SCARA5: variants seen among roughly 807,000 people sequenced by gnomAD.
SCARA5 encodes scavenger receptor class A member 5, also known as scavenger receptor class A, member 5 (putative).
SCARA5 carries 45 observed loss-of-function variants against 46.3 expected under a neutral mutation model. The observed-to-expected ratio is 0.97, with a 90% CI of 0.76 to 1.24. The LOEUF is 1.24. Among genes scored for constraint, SCARA5 ranks in the 50% most tolerant of loss-of-function variants. SCARA5 has a pLI of 0.00. For missense variants in SCARA5, 680 were observed against 689.0 expected, an observed-to-expected ratio of 0.99 and a Z score of 0.15; for synonymous variants, 333 against 306.5, an observed-to-expected ratio of 1.09 and a Z score of -0.90.
intron 3 of SCARA5, among the ~76,000 whole-genome samples, chr8:27,939,466 T>C (rs1011466023): frequency 1.3e-5 from 2 of 152,180 alleles, no homozygotes; most frequent in Non-Finnish European, 2.9e-5. Flanking sequence ...ACTCTTGTCC[T>C]TGCTCTTCCA....
chr8:27,974,352 A>G (rs574903197), intron 2 of SCARA5, among the ~76,000 whole-genome samples: 3 of 152,274 alleles, frequency 2.0e-5, no homozygotes, highest in African/African-American at 7.2e-5. Context: ...AGCATTTTGG[A>G]GTTATCCAAA....
At chr8:27,937,963 G>A (rs995229331) in intron 3 of SCARA5, among the ~76,000 whole-genome samples, 2 of 152,154 alleles carry the variant, frequency 1.3e-5, no homozygotes, top group African/African-American at 2.4e-5. Context: ...GGTGGGGATA[G>A]GGCTTCCACG....
intron 3 of SCARA5, among the ~76,000 whole-genome samples, chr8:27,938,875 T>C (rs986655740): frequency 2.6e-5 from 4 of 152,226 alleles, no homozygotes; most frequent in African/African-American, 9.6e-5. Flanking sequence ...TGACCATTTA[T>C]ATATATATAT....
At chr8:27,968,288 C>T (rs1309167815) in intron 2 of SCARA5, among the ~76,000 whole-genome samples, 1 of 152,226 alleles carries the variant, frequency 6.6e-6, no homozygotes, top group African/African-American at 2.4e-5. Flanking sequence ...AGAGCTATTA[C>T]ATAATATTTC....
intron 3 of SCARA5, among the ~76,000 whole-genome samples, chr8:27,922,591 A>T (rs997208036): frequency 6.6e-6 from 1 of 152,184 alleles, no homozygotes; most frequent in African/African-American, 2.4e-5. Context: ...TGTAACTATC[A>T]TAGGTTAATT....
At position 27,871,913 on chromosome 8, in the gene SCARA5, G is replaced by A. The variant is rs1309755002; in HGVS notation, c.*21C>T. ...GGAAGGGTGCTCTGTGCAGGACCCCGAACTTGGGCTCTGCCCACTTTCAGT... is the reference window on the plus strand; with the variant it reads ...GGAAGGGTGCTCTGTGCAGGACCCCAAACTTGGGCTCTGCCCACTTTCAGT... On this transcript the variant is annotated 3_prime_UTR_variant, in exon 9 of 9. Transcript: ENST00000354914. The A allele has an allele frequency of 3.1e-6, 5 of 1,613,678 alleles. No homozygotes were observed. The highest frequency in any genetic ancestry group is 1.3e-5 in the African/African-American group (1 of 75,046).
Position 27,871,954 on chromosome 8 carries a change from C to A in SCARA5, c.1468G>T (p.Val490Leu). 6.2e-7 allele frequency: 1 copy of A among 1,614,222 alleles called. No homozygotes were observed. Among genetic ancestry groups the A allele is most frequent in the East Asian group, 2.2e-5 (1 of 44,892 alleles). ...CACTTTCAGTGTCTGTTGCATGTCA[C>A]GCTGGCATCTTCGGCATGTCCACAG... ...TNCGHAEDAS[V>L]TCNRH The change falls in exon 9 of 9, where the codon GTG becomes TTG. Residue 490 changes from valine to leucine, a missense_variant. Transcript: ENST00000354914.
At chr8:27,939,230 C>T (rs968140296) in intron 3 of SCARA5, among the ~76,000 whole-genome samples, 4 of 152,198 alleles carry the variant, frequency 2.6e-5, no homozygotes, top group African/African-American at 9.7e-5. Context: ...CTCCACCACC[C>T]CAAACACCAT....
At chr8:27,986,269 T>C (rs1808703752) in intron 2 of SCARA5, among the ~76,000 whole-genome samples, 1 of 152,194 alleles carries the variant, frequency 6.6e-6, no homozygotes, top group South Asian at 2.1e-4. Flanking sequence ...TTCCCACATC[T>C]TCTCTTAGAC....
intron 1 of SCARA5, among the ~76,000 whole-genome samples, chr8:27,988,834 TA>T: frequency 6.6e-6 from 1 of 152,248 alleles, no homozygotes; most frequent in East Asian, 1.9e-4. Context: ...CTTTAGAAGA[TA>T]AAAGCCCCAT....
chr8:27,919,523 T>C (rs187155833), intron 4 of SCARA5, among the ~76,000 whole-genome samples: 2 of 152,186 alleles, frequency 1.3e-5, no homozygotes, highest in Admixed American at 1.3e-4. Context: ...CCTTCCAGCC[T>C]GGCAAAAATG....
At chr8:27,889,822 C>G (rs145071592) in intron 7 of SCARA5, among the ~76,000 whole-genome samples, 1 of 152,170 alleles carries the variant, frequency 6.6e-6, no homozygotes, top group African/African-American at 2.4e-5. Flanking sequence ...AACGATTGCA[C>G]GCAGGGGAAG....
At chr8:27,915,488 G>A (rs1563523787) in intron 4 of SCARA5, among the ~76,000 whole-genome samples, 1 of 152,168 alleles carries the variant, frequency 6.6e-6, no homozygotes, top group Non-Finnish European at 1.5e-5. Flanking sequence ...CACTTTACCT[G>A]TCACTCCACT....
chr8:27,874,562 G>C (rs181265861), intron 8 of SCARA5, among the ~76,000 whole-genome samples: 4 of 152,246 alleles, frequency 2.6e-5, no homozygotes, highest in Non-Finnish European at 5.9e-5. Context: ...CTGCAGAACT[G>C]AGTAGCTGTG....
chr8:27,962,235 T>A (rs944358080), intron 3 of SCARA5, among the ~76,000 whole-genome samples: 1 of 152,182 alleles, frequency 6.6e-6, no homozygotes, highest in Non-Finnish European at 1.5e-5. Flanking sequence ...CATATCCTCA[T>A]ACAAGGGATG....
chr8:27,941,297 G>T (rs1028026577), intron 3 of SCARA5, among the ~76,000 whole-genome samples: 10 of 152,180 alleles, frequency 6.6e-5, no homozygotes, highest in African/African-American at 1.9e-4. Flanking sequence ...TAGAAAGAAA[G>T]GAATGTTGAC....
intron 6 of SCARA5, 77 bp downstream of exon 6, chr8:27,907,071 C>G: frequency 1.0e-6 from 1 of 999,432 alleles, no homozygotes; most frequent in Non-Finnish European, 1.5e-6. Context: ...AGATAAGAGT[C>G]CTGGTCCCCC....
chr8:27,879,429 G>A (rs1036359128), intron 8 of SCARA5, 140 bp downstream of exon 8: 7 of 767,452 alleles, frequency 9.1e-6, no homozygotes, highest in Non-Finnish European at 1.5e-5. Context: ...GGGGCAGTGA[G>A]TTCTTATTGC....
intron 3 of SCARA5, among the ~76,000 whole-genome samples, chr8:27,941,034 T>G (rs1409144665): frequency 6.6e-6 from 1 of 152,132 alleles, no homozygotes; most frequent in Admixed American, 6.5e-5. Context: ...TATGATTTTA[T>G]GGGGATTCAG....
Sources: gnomAD v4.1 joint callset for allele counts (sites outside exome capture counted in the v4.1 genomes callset) on GRCh38, gnomAD v4.1.1 for gene constraint, MANE v1.5 for transcripts, NCBI Gene and HGNC (gene_info 2026-07-23, HGNC 2026-07-21) for gene names.